Variants in ASH1L observed in about 807,000 individuals in gnomAD.
ASH1L encodes the protein ASH1 like histone lysine methyltransferase.
ASH1L carries 23 observed loss-of-function variants against 269.0 expected under a neutral mutation model. That is an observed-to-expected ratio of 0.09 (90% CI 0.06 to 0.12). The LOEUF (loss-of-function observed/expected upper bound fraction) is 0.12, where lower values mean the gene tolerates loss of function less well. ASH1L is among the 10% of genes least tolerant of loss of function. The probability of loss-of-function intolerance (pLI) is 1.00; values close to 1 mark genes in which losing one functional copy is unlikely to be tolerated. For missense variants in ASH1L, 2,912 were observed against 3,567.8 expected, an observed-to-expected ratio of 0.82 and a Z score of 4.68; for synonymous variants, 1,187 against 1,253.5, an observed-to-expected ratio of 0.95 and a Z score of 1.12.
intron 6 of ASH1L, among the ~76,000 whole-genome samples, chr1:155,403,448 C>G (rs116704786): frequency 1.4e-3 from 216 of 152,294 alleles, no homozygotes; most frequent in African/African-American, 5.1e-3. Context: ...TATTGACTAA[C>G]TGTAAAACTC....
At position 155,478,926 on chromosome 1, in the gene ASH1L, A is replaced by T; in HGVS notation, c.3944T>A (p.Leu1315His). 2 of 1,614,066 alleles carry T rather than the reference A, an allele frequency of 1.2e-6. No individual in the cohort carries two copies. Among genetic ancestry groups the T allele is most frequent in the Non-Finnish European group, 1.7e-6 (2 of 1,180,024 alleles). Residue 1315 changes from leucine (L) to histidine (H), a missense_variant, in exon 3 of 28, where the codon CTT becomes CAT. This residue lies in a region of ASH1L where 789 missense variants were observed against 897.6 expected (regional missense o/e 0.88). Transcript: ENST00000392403. This position sits in a 1 kb window ranked among gnomAD's most constrained non-coding sequence, Gnocchi z 4.6. ...GTTGATTCGAAAGATAGTTGGCAGA[A>T]GATCTCGGGGGATAAAATGATGACT... The part of the protein sequence containing the change: ...HRSHHFIPRD[L>H]LPTIFRINFN...
Position 155,474,915 on chromosome 1 carries a change from C to T in ASH1L, c.4984+2971G>A, listed in dbSNP as rs139513544. Among the ~76,000 whole-genome samples, 1,035 of 152,304 alleles carry T rather than the reference C, an allele frequency of 6.8e-3. 8 individuals are homozygous for T. Among genetic ancestry groups the T allele is most frequent in the African/African-American group, 0.024 (985 of 41,558 alleles). On this transcript the variant is annotated intron_variant, in intron 3 of 27. Coordinates refer to ENST00000392403, the MANE Select transcript of ASH1L (RefSeq NM_018489.3). Reference sequence around the variant, plus strand: ...TTATCCTCTCCATCCAGTGTTCATGCAGAAGGCAAAATCATCATTTAAAAA... The same window carrying T: ...TTATCCTCTCCATCCAGTGTTCATGTAGAAGGCAAAATCATCATTTAAAAA...
At chr1:155,365,373 T>A (rs1655318251) in intron 12 of ASH1L, among the ~76,000 whole-genome samples, 1 of 62,692 alleles carries the variant, frequency 1.6e-5, no homozygotes. Flanking sequence ...GCCCGGCTGA[T>A]TTTTTTTTTT....
In ASH1L at chr1:155,380,088, G is replaced by A. The variant is rs762477938; in HGVS notation, c.6132C>T (p.Asp2044=). Residue 2044 remains aspartate, a synonymous_variant, in exon 8 of 28, where the codon GAC becomes GAT. Transcript: ENST00000392403. Reference sequence around the variant, plus strand: ...AAAGGATATCATAAGGAAGCTGGAAGTCAATTCTCTTTTGTCTTAGATACT... The same window carrying A: ...AAAGGATATCATAAGGAAGCTGGAAATCAATTCTCTTTTGTCTTAGATACT... ...VGKYLRQKRI[D]FQLPYDILWQ... 5 of 1,613,164 alleles carry A rather than the reference G, an allele frequency of 3.1e-6. No homozygotes were observed. The highest frequency in any genetic ancestry group is 4.2e-6 in the Non-Finnish European group (5 of 1,179,350).
At chr1:155,448,651 C>G (rs1029788290) in intron 4 of ASH1L, among the ~76,000 whole-genome samples, 2 of 152,132 alleles carry the variant, frequency 1.3e-5, no homozygotes, top group African/African-American at 4.8e-5. Flanking sequence ...CGCGTGACCA[C>G]GCCCAGCTAA....
At chr1:155,542,210 G>C (rs1238638684) in intron 1 of ASH1L, among the ~76,000 whole-genome samples, 1 of 152,124 alleles carries the variant, frequency 6.6e-6, no homozygotes, top group Non-Finnish European at 1.5e-5. Flanking sequence ...AATGACAACA[G>C]GAAGAAAGTT....
intron 1 of ASH1L, among the ~76,000 whole-genome samples, chr1:155,548,339 C>T (rs1571132448): frequency 1.3e-5 from 2 of 152,040 alleles, no homozygotes; most frequent in Non-Finnish European, 2.9e-5. Context: ...CTGACCAACA[C>T]GGTAAAACCC....
intron 2 of ASH1L, among the ~76,000 whole-genome samples, chr1:155,506,379 T>C (rs1334120406): frequency 1.3e-5 from 2 of 152,160 alleles, no homozygotes; most frequent in African/African-American, 4.8e-5. Flanking sequence ...TAAGGCACTA[T>C]TATTATCCAT....
chr1:155,407,233 G>C (rs2148514925), intron 6 of ASH1L, among the ~76,000 whole-genome samples: 1 of 152,040 alleles, frequency 6.6e-6, no homozygotes, highest in East Asian at 1.9e-4. Flanking sequence ...AAAAAAAAAA[G>C]TAAATTGAAA....
At chr1:155,391,900 G>A (rs1657958083) in intron 7 of ASH1L, among the ~76,000 whole-genome samples, 1 of 152,080 alleles carries the variant, frequency 6.6e-6, no homozygotes, top group Non-Finnish European at 1.5e-5. Flanking sequence ...AGGCTGCAGT[G>A]AGCCAAGATT....
intron 7 of ASH1L, among the ~76,000 whole-genome samples, chr1:155,384,932 C>T (rs1007644874): frequency 2.0e-5 from 3 of 152,010 alleles, no homozygotes; most frequent in Non-Finnish European, 2.9e-5. Flanking sequence ...CTCACAAGCT[C>T]CTCAGTCTTT....
chr1:155,341,976 T>A lies in ASH1L; in HGVS notation c.8420A>T (p.Asp2807Val). ...YPVCTKPYAFDHFPKKLTPKK... is the reference protein window; with the variant it reads ...YPVCTKPYAFVHFPKKLTPKK... The stretch of plus-strand genomic sequence containing the variant: ...GGGAGTGAGCTTCTTGGGGAAGTGA[T>A]CAAAAGCATAGGGTTTGGTGCAGAC... The change falls in exon 25 of 28, where the codon GAT becomes GTT. Residue 2807 changes from aspartate to valine, a missense_variant. Around this residue, in one of 13 missense-constraint regions of ASH1L, gnomAD observed 179 missense variants for 293.8 expected, o/e 0.61. Transcript: ENST00000392403. 2.5e-6 allele frequency: 4 copies of A among 1,613,924 alleles called. No individual in the cohort carries two copies. Among genetic ancestry groups the A allele is most frequent in the Non-Finnish European group, 2.5e-6 (3 of 1,179,974 alleles).
At chr1:155,451,840 C>A (rs978028501) in intron 4 of ASH1L, among the ~76,000 whole-genome samples, 2 of 152,134 alleles carry the variant, frequency 1.3e-5, no homozygotes, top group Admixed American at 6.5e-5. Flanking sequence ...CTTGCCTCAG[C>A]CTCCTGAGTA....
chr1:155,558,646 A>T (rs991170299), intron 1 of ASH1L, among the ~76,000 whole-genome samples: 12 of 151,960 alleles, frequency 7.9e-5, no homozygotes, highest in Non-Finnish European at 1.5e-4. Context: ...TGGGTCAAGT[A>T]ATTCCCCTGT....
At chr1:155,433,418 G>T (rs1248689635) in intron 5 of ASH1L, 2 of 1,608,222 alleles carry the variant, frequency 1.2e-6, no homozygotes, top group Admixed American at 3.4e-5. Flanking sequence ...TGGGCCTCAG[G>T]TTGGAGTGCG....
intron 5 of ASH1L, among the ~76,000 whole-genome samples, chr1:155,434,882 G>A (rs533585014): frequency 1.3e-5 from 2 of 152,068 alleles, no homozygotes; most frequent in East Asian, 3.9e-4. Context: ...TTAGTGCTGG[G>A]TGTGGTGAGT....
At chr1:155,472,232 G>A (rs1310427907) in intron 3 of ASH1L, among the ~76,000 whole-genome samples, 9 of 152,196 alleles carry the variant, frequency 5.9e-5, no homozygotes, top group Non-Finnish European at 1.0e-4. Flanking sequence ...GGGTTTTGCA[G>A]TGAGCCTAGA....
At chr1:155,358,701 TA>T (rs111834895) in intron 13 of ASH1L, 1,696 of 117,016 alleles carry the variant, frequency 0.014, 11 homozygotes, top group Non-Finnish European at 0.021. Context: ...AAAAAATTAA[TA>T]AAAAAAAAAA....
At chr1:155,499,973 TC>T (rs1319271917) in intron 2 of ASH1L, among the ~76,000 whole-genome samples, 1 of 152,170 alleles carries the variant, frequency 6.6e-6, no homozygotes, top group African/African-American at 2.4e-5. Flanking sequence ...AACTCTTCAA[TC>T]AGCCAAATGC....
Sources: allele counts gnomAD v4.1 joint callset (sites outside exome capture counted in the v4.1 genomes callset), GRCh38; gene constraint gnomAD v4.1.1; regional missense constraint gnomAD v4.1.1; non-coding constraint Gnocchi (gnomAD v3.1); transcripts MANE v1.5; gene names NCBI Gene and HGNC (gene_info 2026-07-23, HGNC 2026-07-21).